CELF1: variants seen among roughly 807,000 people sequenced by gnomAD.
The protein encoded by CELF1 is CUGBP Elav-like family member 1, also known as 50 kDa nuclear polyadenylated RNA-binding protein.
A neutral mutation model predicts 61.8 loss-of-function variants in CELF1; 10 were observed. That is an observed-to-expected ratio of 0.16 (90% CI 0.10 to 0.27). The LOEUF (loss-of-function observed/expected upper bound fraction) is 0.27. Ranked by LOEUF, CELF1 falls within the 10% of genes least tolerant of loss-of-function variation. The pLI is 1.00. For missense variants in CELF1, 380 were observed against 639.1 expected (o/e 0.59, Z 4.37); for synonymous variants, 236 against 225.1 (o/e 1.05, Z -0.43).
chr11:47,549,701 TAG>T (rs2097085245), intron 1 of CELF1, among the ~76,000 whole-genome samples: 1 of 152,162 alleles, frequency 6.6e-6, no homozygotes, highest in Non-Finnish European at 1.5e-5. Context: ...CCAACAGGCA[TAG>T]AGTTTCAGAT....
At chr11:47,528,505 C>T (rs2096342025) in intron 1 of CELF1, among the ~76,000 whole-genome samples, 1 of 152,078 alleles carries the variant, frequency 6.6e-6, no homozygotes, top group Non-Finnish European at 1.5e-5. Flanking sequence ...AATACAAGCA[C>T]TTTGGGAGGC....
chr11:47,501,179 C>T (rs1422800849), intron 1 of CELF1, among the ~76,000 whole-genome samples: 1 of 152,180 alleles, frequency 6.6e-6, no homozygotes, highest in Non-Finnish European at 1.5e-5. Flanking sequence ...GCCAGAGACT[C>T]GCTCATCTGA....
At chr11:47,525,923 A>G (rs527236545) in intron 1 of CELF1, among the ~76,000 whole-genome samples, 26 of 111,284 alleles carry the variant, frequency 2.3e-4, no homozygotes, top group African/African-American at 8.4e-4. Flanking sequence ...CTATCCACAA[A>G]CAAACAAAAA....
chr11:47,563,397 A>G (rs1013201354), intron 2 of CELF1, among the ~76,000 whole-genome samples: 3 of 152,154 alleles, frequency 2.0e-5, no homozygotes, highest in African/African-American at 7.2e-5. Context: ...AAAATATTCT[A>G]AAATTAGGCT....
At position 47,471,965 on chromosome 11, in the gene CELF1, A is replaced by G. The variant is rs1022062620; in HGVS notation, c.*265T>C. 2.7e-6 allele frequency: 1 copy of G among 368,784 alleles called. No homozygotes were observed. The highest frequency in any genetic ancestry group is 5.0e-6 in the Non-Finnish European group (1 of 200,066). The allele number at this position is 368,784 out of a possible 1,614,324, so 22.8% of individuals were successfully genotyped here. On this transcript the variant is annotated 3_prime_UTR_variant, in exon 15 of 15. Coordinates refer to ENST00000687097, the MANE Select transcript of CELF1 (RefSeq NM_001376376.1). ...AAACTTTAAATAAAGGAGAAACAAA[A>G]ACAAAAACAAAAAAAACCTCAGGAT...
chr11:47,518,498 A>C (rs1000889536), intron 1 of CELF1, among the ~76,000 whole-genome samples: 2 of 152,232 alleles, frequency 1.3e-5, no homozygotes, highest in Non-Finnish European at 2.9e-5. Flanking sequence ...AAGAGCTTCA[A>C]GTTTAAACAG....
chr11:47,564,785 C>T (rs1470119144), intron 1 of CELF1, among the ~76,000 whole-genome samples: 1 of 152,132 alleles, frequency 6.6e-6, no homozygotes, highest in East Asian at 1.9e-4. Context: ...AGTGAGACTC[C>T]GTCTCAAAAC....
intron 1 of CELF1, among the ~76,000 whole-genome samples, chr11:47,535,166 T>C (rs1052593921): frequency 1.3e-5 from 2 of 152,082 alleles, no homozygotes; most frequent in African/African-American, 4.8e-5. Flanking sequence ...CCATAATAGT[T>C]TGAGCCAGAA....
At chr11:47,516,632 G>C (rs1250171143) in intron 1 of CELF1, among the ~76,000 whole-genome samples, 4 of 150,164 alleles carry the variant, frequency 2.7e-5, no homozygotes, top group African/African-American at 9.8e-5. Context: ...ACAGAGTCTC[G>C]CTCTGTCGCC....
upstream of CELF1, among the ~76,000 whole-genome samples, chr11:47,553,600 T>C (rs2153787219): frequency 6.6e-6 from 1 of 152,276 alleles, no homozygotes; most frequent in Middle Eastern, 3.4e-3. Context: ...CGCCCCTTTT[T>C]GCCCCAGCAG....
At chr11:47,564,649 G>C (rs2097238770) in intron 1 of CELF1, among the ~76,000 whole-genome samples, 1 of 151,718 alleles carries the variant, frequency 6.6e-6, no homozygotes, top group Non-Finnish European at 1.5e-5. Flanking sequence ...AAGTTAGCTG[G>C]GTGTGGTGGC....
At chr11:47,485,088 T>G (rs2085905475) in intron 6 of CELF1, among the ~76,000 whole-genome samples, 2 of 152,250 alleles carry the variant, frequency 1.3e-5, no homozygotes, top group African/African-American at 4.8e-5. Context: ...TCTGTGCCTG[T>G]TTCCTCATCT....
At chr11:47,548,797 C>T (rs906905551) in intron 1 of CELF1, among the ~76,000 whole-genome samples, 1 of 140,346 alleles carries the variant, frequency 7.1e-6, no homozygotes, top group East Asian at 2.2e-4. Context: ...ACCCAGTGGG[C>T]GGAAGTTGCA....
At chr11:47,483,354 TG>T in intron 8 of CELF1, 98 bp downstream of exon 8, 1 of 886,670 alleles carries the variant, frequency 1.1e-6, no homozygotes, top group Non-Finnish European at 1.9e-6. Context: ...TTTAACCTTC[TG>T]GGCAATCAGA....
chr11:47,479,439 AG>A (rs1417724196), intron 9 of CELF1, among the ~76,000 whole-genome samples: 4 of 152,232 alleles, frequency 2.6e-5, no homozygotes, highest in Non-Finnish European at 4.4e-5. Context: ...AACATTTCAT[AG>A]TATTTCTTGG....
chr11:47,545,508 AGTTATTAAGAG>A (rs1456329271), intron 1 of CELF1, among the ~76,000 whole-genome samples: 3 of 152,206 alleles, frequency 2.0e-5, no homozygotes, highest in South Asian at 2.1e-4. Flanking sequence ...TAATAACAAG[AGTTATTAAGAG>A]GTTATTAAGA....
rs535210076 is a variant in CELF1 at position 47,541,480 on chromosome 11, C to G, written c.-154+11512G>C. Among the ~76,000 whole-genome samples the G allele has an allele frequency of 9.9e-5, 15 of 151,958 alleles. No individual in the cohort carries two copies. The South Asian group carries it at 2.7e-3, about 27-fold the overall frequency. ...CCAAGGCGGGTGGATCTCCTGAGGT[C>G]AGGAGTTTGAGACCAGCCTGGCCAA... is the stretch of plus-strand genomic sequence containing the variant. On this transcript the variant is annotated intron_variant, in intron 1 of 14. Coordinates refer to ENST00000687097, the MANE Select transcript of CELF1 (RefSeq NM_001376376.1).
intron 1 of CELF1, among the ~76,000 whole-genome samples, chr11:47,535,728 C>A (rs1234950673): frequency 6.6e-6 from 1 of 151,062 alleles, no homozygotes; most frequent in Non-Finnish European, 1.5e-5. Flanking sequence ...TATTTACTCA[C>A]CTAAGCTTTC....
At position 47,487,201 on chromosome 11, in the gene CELF1, T is replaced by C; in HGVS notation, c.300A>G (p.Leu100=). ...FVTFYTRKAA[L]EAQNALHNMK... is the part of the protein sequence containing the mutation. Reference sequence around the variant, plus strand: ...TGTTGTGAAGAGCATTCTGAGCTTCTAATGCAGCTTTACGGGTGTAAAATG... The same window carrying C: ...TGTTGTGAAGAGCATTCTGAGCTTCCAATGCAGCTTTACGGGTGTAAAATG... The change falls in exon 5 of 15, where the codon TTA becomes TTG. Residue 100 remains leucine, a synonymous_variant. Transcript: ENST00000687097. The C allele has an allele frequency of 1.2e-6, 2 of 1,612,794 alleles. No individual in the cohort carries two copies. Among genetic ancestry groups the C allele is most frequent in the Non-Finnish European group, 1.7e-6 (2 of 1,179,890 alleles).
Sources: allele counts gnomAD v4.1 joint callset (sites outside exome capture counted in the v4.1 genomes callset), GRCh38; gene constraint gnomAD v4.1.1; transcripts MANE v1.5; gene names NCBI Gene and HGNC (gene_info 2026-07-23, HGNC 2026-07-21).